Variants in ROBO2 observed in about 807,000 individuals in gnomAD.
ROBO2 encodes roundabout homolog 2.
A neutral mutation model predicts 160.8 loss-of-function variants in ROBO2; 53 were observed. The observed-to-expected ratio is 0.33, with a 90% CI of 0.26 to 0.41. ROBO2 has a LOEUF of 0.41. Among genes scored for constraint, ROBO2 ranks in the 10% least tolerant of loss-of-function variants. ROBO2 has a pLI of 1.00. For synonymous variants in ROBO2, 664 were observed against 611.7 expected (o/e 1.09, Z -1.26); for missense variants, 1,577 against 1,722.4 (o/e 0.92, Z 1.49).
chr3:76,748,799 T>G (rs556996808), intron 2 of ROBO2, among the ~76,000 whole-genome samples: 8 of 151,928 alleles, frequency 5.3e-5, no homozygotes, highest in South Asian at 4.1e-4. Context: ...GTTTAAAATG[T>G]ACATATTCTT....
chr3:76,676,342 T>C (rs2092408004), intron 2 of ROBO2, among the ~76,000 whole-genome samples: 1 of 152,140 alleles, frequency 6.6e-6, no homozygotes, highest in African/African-American at 2.4e-5. Context: ...GCACTTTTCC[T>C]TCCTTGCTTC....
upstream of ROBO2, among the ~76,000 whole-genome samples, chr3:77,039,517 C>G (rs560839147): frequency 2.6e-5 from 4 of 152,298 alleles, no homozygotes; most frequent in African/African-American, 9.6e-5. Flanking sequence ...GAGCCTGGAG[C>G]CCACCTATCC....
intron 2 of ROBO2, among the ~76,000 whole-genome samples, chr3:77,162,766 A>C (rs971429424): frequency 3.9e-5 from 6 of 152,188 alleles, no homozygotes; most frequent in Admixed American, 2.6e-4. Context: ...GGAGATCAGC[A>C]CTAGAGGTCA....
intron 2 of ROBO2, among the ~76,000 whole-genome samples, chr3:76,176,811 ATTAATC>A (rs1331906850): frequency 2.0e-5 from 3 of 152,162 alleles, no homozygotes; most frequent in Admixed American, 1.3e-4. Flanking sequence ...AACAGTCTCT[ATTAATC>A]TTTATAACCA....
intron 2 of ROBO2, among the ~76,000 whole-genome samples, chr3:76,446,625 A>T (rs1324555847): frequency 2.0e-5 from 3 of 152,160 alleles, no homozygotes; most frequent in African/African-American, 7.2e-5. Flanking sequence ...GCATCACACT[A>T]CCTGACTTCA....
intron 1 of ROBO2, among the ~76,000 whole-genome samples, chr3:77,055,112 A>G (rs2065610949): frequency 6.6e-6 from 1 of 151,968 alleles, no homozygotes; most frequent in Non-Finnish European, 1.5e-5. Context: ...TTCATTTGGA[A>G]CTCACCCTTC....
chr3:76,624,790 C>G (rs1578649913), intron 2 of ROBO2, among the ~76,000 whole-genome samples: 1 of 75,752 alleles, frequency 1.3e-5, no homozygotes, highest in Non-Finnish European at 2.3e-5. Context: ...GAGTGAGACT[C>G]CGTCTCAAAA....
chr3:77,447,676 T>A (rs1393864683), intron 2 of ROBO2, among the ~76,000 whole-genome samples: 2 of 152,170 alleles, frequency 1.3e-5, no homozygotes, highest in Non-Finnish European at 2.9e-5. Flanking sequence ...CCTTTTGAAC[T>A]AATTAGTGTC....
intron 2 of ROBO2, among the ~76,000 whole-genome samples, chr3:76,966,859 T>G (rs1368095142): frequency 6.6e-6 from 1 of 152,236 alleles, no homozygotes; most frequent in Non-Finnish European, 1.5e-5. Context: ...GAGGTTAATG[T>G]ATAGCAGAAA....
chr3:76,779,292 C>T (rs1643785350), intron 2 of ROBO2, among the ~76,000 whole-genome samples: 1 of 150,788 alleles, frequency 6.6e-6, no homozygotes, highest in East Asian at 2.0e-4. Flanking sequence ...AAAAATATAC[C>T]CGTCACCTCC....
At chr3:76,240,747 AT>A (rs1429590216) in intron 2 of ROBO2, among the ~76,000 whole-genome samples, 1 of 152,112 alleles carries the variant, frequency 6.6e-6, no homozygotes, top group Admixed American at 6.5e-5. Flanking sequence ...AGAGATACTT[AT>A]CATTATCCAA....
At chr3:77,641,318 A>G (rs2095347389) in intron 24 of ROBO2, among the ~76,000 whole-genome samples, 1 of 152,212 alleles carries the variant, frequency 6.6e-6, no homozygotes, top group Admixed American at 6.5e-5. Context: ...TTAGGAACTC[A>G]GAGGAGATGC....
At chr3:76,459,322 C>A (rs888268721) in intron 2 of ROBO2, among the ~76,000 whole-genome samples, 2 of 152,026 alleles carry the variant, frequency 1.3e-5, no homozygotes, top group African/African-American at 4.8e-5. Context: ...GATGCAGATG[C>A]AGACTTATAA....
At chr3:77,234,195 T>G (rs1216112946) in intron 2 of ROBO2, among the ~76,000 whole-genome samples, 1 of 152,144 alleles carries the variant, frequency 6.6e-6, no homozygotes, top group Non-Finnish European at 1.5e-5. Context: ...ACGTCAAAAT[T>G]CACAGAAGAG....
intron 2 of ROBO2, among the ~76,000 whole-genome samples, chr3:77,398,123 A>T (rs997659710): frequency 6.6e-6 from 1 of 152,120 alleles, no homozygotes; most frequent in African/African-American, 2.4e-5. Context: ...TACAATAATG[A>T]GATAACTAGG....
At chr3:76,141,529 AG>A (rs1455174754) in intron 2 of ROBO2, among the ~76,000 whole-genome samples, 1 of 151,830 alleles carries the variant, frequency 6.6e-6, no homozygotes, top group African/African-American at 2.4e-5. Flanking sequence ...TAAAAATACA[AG>A]GTAGGAAAAA....
At chr3:76,755,517 G>A (rs2060920207) in intron 2 of ROBO2, among the ~76,000 whole-genome samples, 1 of 151,790 alleles carries the variant, frequency 6.6e-6, no homozygotes. Context: ...CTAAAACAGA[G>A]TTTTAAAACT....
chr3:77,530,703 A>G (rs542159462), intron 6 of ROBO2, among the ~76,000 whole-genome samples: 2 of 152,170 alleles, frequency 1.3e-5, no homozygotes, highest in African/African-American at 4.8e-5. Context: ...CTAGGCAACT[A>G]TCACTTTAAT....
intron 2 of ROBO2, among the ~76,000 whole-genome samples, chr3:75,940,422 CT>C (rs1947998727): frequency 6.6e-6 from 1 of 152,038 alleles, no homozygotes; most frequent in South Asian, 2.1e-4. Flanking sequence ...GTCAATGATC[CT>C]TGTCAATTTT....
Sources: allele counts gnomAD v4.1 joint callset (sites outside exome capture counted in the v4.1 genomes callset), GRCh38; gene constraint gnomAD v4.1.1; transcripts MANE v1.5; gene names NCBI Gene and HGNC (gene_info 2026-07-23, HGNC 2026-07-21).